Variants in LHFPL4 observed in about 807,000 individuals in gnomAD.
The protein encoded by LHFPL4 is LHFPL tetraspan subfamily member 4.
In LHFPL4, 6 loss-of-function variants were observed where a neutral mutation model predicts 20.0. The observed-to-expected ratio is 0.30, with a 90% confidence interval of 0.16 to 0.59. LHFPL4 has a LOEUF of 0.59. Among genes scored for constraint, LHFPL4 ranks in the 20% least tolerant of loss-of-function variants. The pLI is 0.88. For missense variants in LHFPL4, 215 were observed against 331.2 expected (o/e 0.65, Z 2.72); for synonymous variants, 129 against 143.8 (o/e 0.90, Z 0.74).
At chr3:9,515,195 A>G (rs531257800) in intron 2 of LHFPL4, among the ~76,000 whole-genome samples, 87 of 152,332 alleles carry the variant, frequency 5.7e-4, no homozygotes, top group African/African-American at 2.0e-3. Flanking sequence ...GGCCATTCTA[A>G]TAAGTATGTA....
intron 2 of LHFPL4, 145 bp downstream of exon 2, chr3:9,552,129 C>A: frequency 5.8e-6 from 5 of 863,326 alleles, no homozygotes; most frequent in East Asian, 4.1e-5. Flanking sequence ...CTCCCCAATA[C>A]CCACTGAGGG....
intron 2 of LHFPL4, among the ~76,000 whole-genome samples, chr3:9,517,333 C>G (rs566624495): frequency 6.6e-5 from 10 of 152,018 alleles, no homozygotes; most frequent in Non-Finnish European, 1.2e-4. Context: ...GTCTTCCTAC[C>G]CATGAACATG....
intron 2 of LHFPL4, among the ~76,000 whole-genome samples, chr3:9,530,210 T>C (rs889528839): frequency 6.6e-6 from 1 of 152,208 alleles, no homozygotes. Flanking sequence ...TCTCTAGCTA[T>C]AAAAGACCTA....
At chr3:9,532,460 C>G (rs2046415957) in intron 2 of LHFPL4, among the ~76,000 whole-genome samples, 1 of 152,130 alleles carries the variant, frequency 6.6e-6, no homozygotes, top group South Asian at 2.1e-4. Context: ...CCTGCCTCAG[C>G]CTCCCCAGTA....
chr3:9,532,175 A>G (rs1290757858), intron 2 of LHFPL4, among the ~76,000 whole-genome samples: 1 of 151,880 alleles, frequency 6.6e-6, no homozygotes, highest in Non-Finnish European at 1.5e-5. Context: ...ACAGGTGTGC[A>G]CCACTACACC....
intron 2 of LHFPL4, among the ~76,000 whole-genome samples, chr3:9,525,766 TGAAAAAATGG>T (rs2046370269): frequency 1.3e-5 from 2 of 152,170 alleles, no homozygotes; most frequent in African/African-American, 2.4e-5. Context: ...CTTATACGTT[TGAAAAAATGG>T]GAAAAAATGG....
In LHFPL4 at chr3:9,506,249, A is replaced by G. The variant is rs1285756800; in HGVS notation, c.407-46T>C. ...CCCACCACCACGGTCAGGAAGGAAGAGAAAAGACCATTACTCGCTAGTGTC... is the reference window on the plus strand; with the variant it reads ...CCCACCACCACGGTCAGGAAGGAAGGGAAAAGACCATTACTCGCTAGTGTC... On this transcript the variant is annotated intron_variant, in intron 2 of 3. Coordinates refer to ENST00000287585, the MANE Select transcript of LHFPL4 (RefSeq NM_198560.3). The surrounding 1 kb of genome is among the most constrained non-coding windows in gnomAD (Gnocchi z 4.5). 2 of 1,501,454 alleles carry G rather than the reference A, an allele frequency of 1.3e-6. No individual in the cohort carries two copies. Among genetic ancestry groups the G allele is most frequent in the Non-Finnish European group, 1.9e-6 (2 of 1,078,346 alleles). 93.0% of individuals were successfully genotyped at this position (1,501,454 alleles called of 1,614,324 possible). A position where few individuals can be genotyped will look rare whatever the true frequency, so the allele number is the denominator to read the frequency against.
intron 2 of LHFPL4, among the ~76,000 whole-genome samples, chr3:9,515,525 T>G (rs2046293531): frequency 6.6e-6 from 1 of 151,712 alleles, no homozygotes; most frequent in Non-Finnish European, 1.5e-5. Context: ...AGGCATGCTC[T>G]ACCACACCTG....
chr3:9,545,752 T>G (rs1056023299), intron 2 of LHFPL4, among the ~76,000 whole-genome samples: 1 of 148,492 alleles, frequency 6.7e-6, no homozygotes, highest in Non-Finnish European at 1.5e-5. Context: ...TAAAATAAAA[T>G]AAAATAATTA....
chr3:9,513,191 AC>A (rs1166445386), intron 2 of LHFPL4, among the ~76,000 whole-genome samples: 36 of 151,972 alleles, frequency 2.4e-4, no homozygotes, highest in Non-Finnish European at 5.9e-5. Context: ...CGATCTCTTG[AC>A]CTCGTGATCC....
chr3:9,500,971 G>A lies in LHFPL4; in HGVS notation c.*1240C>T, dbSNP rs921038650. ...CACACACACACACACGCTCACACGC[G>A]CACACACACGCACACACATTTCACC... On this transcript the variant is annotated 3_prime_UTR_variant, in exon 4 of 4. Transcript: ENST00000287585. 4 of 152,492 alleles carry A rather than the reference G, an allele frequency of 2.6e-5. No individual in the cohort carries two copies. Among genetic ancestry groups the A allele is most frequent in the African/African-American group, 4.8e-5 (2 of 41,358 alleles). The allele number at this position is 152,492 out of a possible 1,614,324, so 9.4% of individuals were successfully genotyped here. A position where few individuals can be genotyped will look rare whatever the true frequency, so the allele number is the denominator to read the frequency against.
rs1345502465 is a variant in LHFPL4, at chr3:9,502,149, G to C, written c.*62C>G. ...TCCCTCAGAGCTTGAATGGAGTGAC[G>C]AGAGGGCAGAAGGCAGGACAAGCTG... On this transcript the variant is annotated 3_prime_UTR_variant, in exon 4 of 4. Coordinates refer to ENST00000287585, the MANE Select transcript of LHFPL4 (RefSeq NM_198560.3). The C allele has an allele frequency of 1.7e-6, 2 of 1,188,466 alleles. No individual in the cohort carries two copies. The highest frequency in any genetic ancestry group is 1.7e-5 in the Admixed American group (1 of 57,642). The allele number at this position is 1,188,466 out of a possible 1,614,324, so 73.6% of individuals were successfully genotyped here. A position where few individuals can be genotyped will look rare whatever the true frequency, so the allele number is the denominator to read the frequency against.
At chr3:9,504,092 CG>C (rs943529822) in intron 3 of LHFPL4, among the ~76,000 whole-genome samples, 1 of 152,104 alleles carries the variant, frequency 6.6e-6, no homozygotes, top group African/African-American at 2.4e-5. Context: ...ATAACTCAGC[CG>C]GGTGTGCTGG....
intron 2 of LHFPL4, among the ~76,000 whole-genome samples, chr3:9,521,232 C>CTTTTTT (rs34985785): frequency 1.4e-5 from 2 of 139,402 alleles, no homozygotes; most frequent in African/African-American, 5.4e-5. Context: ...TCTTCTTCTT[C>CTTTTTT]TTTTTTTTTT....
At chr3:9,525,341 A>C (rs1010186172) in intron 2 of LHFPL4, among the ~76,000 whole-genome samples, 31 of 152,316 alleles carry the variant, frequency 2.0e-4, no homozygotes, top group African/African-American at 7.5e-4. Context: ...ATTACAATTC[A>C]GTTTTCCCTT....
chr3:9,503,201 G>A (rs185942319), intron 3 of LHFPL4, among the ~76,000 whole-genome samples: 1 of 152,162 alleles, frequency 6.6e-6, no homozygotes, highest in African/African-American at 2.4e-5. Flanking sequence ...GAGGGACGGA[G>A]ACTCCCTGGA....
chr3:9,505,843 G>C, intron 3 of LHFPL4, 124 bp downstream of exon 3: 1 of 929,630 alleles, frequency 1.1e-6, no homozygotes, highest in Admixed American at 1.9e-5. Context: ...ATAGGCGTGA[G>C]CCACCACGCC....
At chr3:9,549,013 C>T (rs559385990) in intron 2 of LHFPL4, among the ~76,000 whole-genome samples, 33 of 152,270 alleles carry the variant, frequency 2.2e-4, no homozygotes, top group Non-Finnish European at 4.0e-4. Context: ...TTCTTCATGG[C>T]GTGATTTGAA....
chr3:9,550,739 C>T (rs1400610441), intron 2 of LHFPL4: 1 of 152,146 alleles, frequency 6.6e-6, no homozygotes, highest in Non-Finnish European at 1.5e-5. Flanking sequence ...TCCCCCATAT[C>T]CTATAGTTCA....
Sources: gnomAD v4.1 joint callset for allele counts (sites outside exome capture counted in the v4.1 genomes callset) on GRCh38, gnomAD v4.1.1 for gene constraint, Gnocchi (gnomAD v3.1) non-coding constraint, MANE v1.5 for transcripts, NCBI Gene and HGNC (gene_info 2026-07-23, HGNC 2026-07-21) for gene names.